Variants in AP3B1 observed in about 807,000 individuals in gnomAD.
The protein encoded by AP3B1 is adaptor related protein complex 3 subunit beta 1, also known as AP-3 complex subunit beta-1.
Under a neutral mutation model 132.5 loss-of-function variants are expected in AP3B1, and 61 were observed. The observed-to-expected ratio is 0.46, with a 90% CI of 0.37 to 0.57. The LOEUF is 0.57. Ranked by LOEUF, AP3B1 falls within the 20% of genes least tolerant of loss-of-function variation. AP3B1 has a pLI of 0.00. For missense variants in AP3B1, 1,120 were observed against 1,289.4 expected (o/e 0.87, Z 2.01); for synonymous variants, 388 against 438.3 (o/e 0.89, Z 1.43).
At chr5:78,216,299 C>T in intron 6 of AP3B1, 62 bp from the exon 7 acceptor site, 2 of 1,473,526 alleles carry the variant, frequency 1.4e-6, no homozygotes, top group South Asian at 2.4e-5. Context: ...AAAGGTCTTA[C>T]TCAGGCATTA....
chr5:78,008,370 A>T (rs1166856764), intron 26 of AP3B1, among the ~76,000 whole-genome samples: 2 of 152,212 alleles, frequency 1.3e-5, no homozygotes, highest in African/African-American at 4.8e-5. Context: ...TTAAATGGTG[A>T]ACTTAAATAA....
At chr5:78,245,480 T>C (rs1001869188) in intron 2 of AP3B1, among the ~76,000 whole-genome samples, 1 of 152,180 alleles carries the variant, frequency 6.6e-6, no homozygotes, top group East Asian at 1.9e-4. Context: ...ATTAGGAGAC[T>C]TTCCTCCTCA....
At chr5:78,293,478 C>G (rs376821813) in intron 1 of AP3B1, among the ~76,000 whole-genome samples, 2 of 152,100 alleles carry the variant, frequency 1.3e-5, no homozygotes, top group Non-Finnish European at 2.9e-5. Context: ...AATGTAATCC[C>G]AATTTGAAGT....
Position 78,118,811 on chromosome 5 carries a change from G to A in AP3B1, c.1969-2577C>T, listed in dbSNP as rs189163745. The stretch of plus-strand genomic sequence containing the variant: ...CAGACTTAAATGTCCCTGTCTGACA[G>A]CTTTGAAGAGAGGAGTGGTTTTCCC... On this transcript the variant is annotated intron_variant, in intron 17 of 26. Coordinates refer to ENST00000255194, the MANE Select transcript of AP3B1 (RefSeq NM_003664.5). Among the ~76,000 whole-genome samples the A allele has an allele frequency of 2.6e-5, 4 of 152,326 alleles. No individual in the cohort carries two copies. In the East Asian group the frequency reaches 7.7e-4, roughly 29 times the overall value.
intron 25 of AP3B1, 59 bp from the exon 26 acceptor site, chr5:78,015,607 G>A: frequency 6.3e-7 from 1 of 1,592,978 alleles, no homozygotes; most frequent in South Asian, 1.1e-5. Flanking sequence ...TACATTTACA[G>A]AATTTTAAGC....
chr5:78,260,309 G>A (rs189441314), intron 2 of AP3B1, among the ~76,000 whole-genome samples: 112 of 152,110 alleles, frequency 7.4e-4, no homozygotes, highest in African/African-American at 2.6e-3. Context: ...AGGAGGGGCC[G>A]GGCGTGGTGG....
intron 7 of AP3B1, among the ~76,000 whole-genome samples, chr5:78,196,976 G>A (rs78877792): frequency 0.014 from 2,141 of 152,138 alleles, 57 homozygotes; most frequent in African/African-American, 0.049. Flanking sequence ...GACAAAATCC[G>A]AAGAATGTAC....
At chr5:78,245,800 G>A (rs1388327621) in intron 2 of AP3B1, among the ~76,000 whole-genome samples, 3 of 152,168 alleles carry the variant, frequency 2.0e-5, no homozygotes, top group Non-Finnish European at 4.4e-5. Context: ...GGCCCTGAGG[G>A]AAAAGTAAGG....
chr5:78,063,384 G>A (rs369931834), intron 22 of AP3B1, among the ~76,000 whole-genome samples: 2 of 152,144 alleles, frequency 1.3e-5, no homozygotes, highest in African/African-American at 4.8e-5. Flanking sequence ...TAGCTTCTAG[G>A]CATCAATACT....
At chr5:78,196,226 T>C (rs1261761770) in intron 7 of AP3B1, among the ~76,000 whole-genome samples, 1 of 152,122 alleles carries the variant, frequency 6.6e-6, no homozygotes, top group Non-Finnish European at 1.5e-5. Context: ...CCTGAAGAGA[T>C]ACCTCACCAA....
chr5:78,198,477 A>G (rs948073694), intron 7 of AP3B1, among the ~76,000 whole-genome samples: 3 of 152,166 alleles, frequency 2.0e-5, no homozygotes, highest in Non-Finnish European at 4.4e-5. Flanking sequence ...GCTACCTCAT[A>G]TGGTGGAAGA....
chr5:78,119,858 T>C (rs1439300941), intron 17 of AP3B1, among the ~76,000 whole-genome samples: 1 of 152,092 alleles, frequency 6.6e-6, no homozygotes, highest in African/African-American at 2.4e-5. Flanking sequence ...AGATACTCCT[T>C]GAGAAGAGCA....
At chr5:78,124,199 G>A (rs1752362419) in intron 17 of AP3B1, among the ~76,000 whole-genome samples, 1 of 152,104 alleles carries the variant, frequency 6.6e-6, no homozygotes, top group African/African-American at 2.4e-5. Context: ...GGACTGTTGT[G>A]GGGTGGGGCG....
intron 7 of AP3B1, among the ~76,000 whole-genome samples, chr5:78,198,456 G>A (rs1745157974): frequency 6.6e-6 from 1 of 152,262 alleles, no homozygotes; most frequent in African/African-American, 2.4e-5. Flanking sequence ...CCTCCTCCTG[G>A]TGTGTGGACA....
intron 21 of AP3B1, among the ~76,000 whole-genome samples, chr5:78,097,341 T>G (rs1454608455): frequency 4.3e-5 from 4 of 92,900 alleles, no homozygotes; most frequent in Admixed American, 1.1e-4. Flanking sequence ...GGTGGGGGGG[T>G]CAGCCCCCTG....
chr5:78,085,883 C>A (rs1185023719), intron 22 of AP3B1, among the ~76,000 whole-genome samples: 1 of 152,090 alleles, frequency 6.6e-6, no homozygotes. Context: ...AAATAAAAAA[C>A]CCTCCAAAAC....
At chr5:78,100,041 C>A (rs1317699848) in intron 21 of AP3B1, among the ~76,000 whole-genome samples, 5 of 152,076 alleles carry the variant, frequency 3.3e-5, no homozygotes, top group African/African-American at 1.2e-4. Context: ...CTGGATGATA[C>A]CAAACCTCAA....
intron 3 of AP3B1, among the ~76,000 whole-genome samples, chr5:78,229,630 C>A (rs1746552151): frequency 6.6e-6 from 1 of 151,478 alleles, no homozygotes; most frequent in African/African-American, 2.4e-5. Context: ...TCCCAGCTAC[C>A]TGGGAGGCTG....
rs1313166557 is a variant in AP3B1, at chr5:78,228,141, T to C, written c.375+3A>G. The C allele has an allele frequency of 1.3e-6, 2 of 1,595,050 alleles. No individual in the cohort carries two copies. Among genetic ancestry groups the C allele is most frequent in the Non-Finnish European group, 1.7e-6 (2 of 1,171,922 alleles). On this transcript the variant is annotated splice_donor_region_variant and intron_variant, in intron 4 of 26. Coordinates refer to ENST00000255194, the MANE Select transcript of AP3B1 (RefSeq NM_003664.5). ...CTATTTGCCTACTCACTCCATTATT[T>C]ACCTTCAGAGCTCGCTGAAAAGTGC...
Sources: allele counts gnomAD v4.1 joint callset (sites outside exome capture counted in the v4.1 genomes callset), GRCh38; gene constraint gnomAD v4.1.1; transcripts MANE v1.5; gene names NCBI Gene and HGNC (gene_info 2026-07-23, HGNC 2026-07-21).